SMAP1: variants seen among roughly 807,000 people sequenced by gnomAD.
SMAP1 encodes the protein small ArfGAP 1.
SMAP1 carries 24 observed loss-of-function variants against 58.5 expected under a neutral mutation model. The observed-to-expected ratio is 0.41, with a 90% CI of 0.30 to 0.58. The LOEUF is 0.58. SMAP1 is among the 20% of genes least tolerant of loss of function. SMAP1 has a pLI of 0.29. For missense variants in SMAP1, 563 were observed against 566.3 expected, an observed-to-expected ratio of 0.99 and a Z score of 0.06; for synonymous variants, 216 against 196.6, an observed-to-expected ratio of 1.10 and a Z score of -0.82.
intron 7 of SMAP1, among the ~76,000 whole-genome samples, chr6:70,846,078 C>T (rs756672160): frequency 6.7e-4 from 102 of 152,028 alleles, no homozygotes; most frequent in Non-Finnish European, 1.3e-3. Context: ...CTAAGAGAGG[C>T]GATTTTACAG....
At chr6:70,705,433 A>T (rs1767801006) in intron 1 of SMAP1, among the ~76,000 whole-genome samples, 1 of 151,680 alleles carries the variant, frequency 6.6e-6, no homozygotes, top group South Asian at 2.1e-4. Context: ...TTGTATTTTT[A>T]GTAGAGCTGG....
chr6:70,829,883 GT>G (rs1377105701), intron 6 of SMAP1, among the ~76,000 whole-genome samples: 2 of 152,154 alleles, frequency 1.3e-5, no homozygotes, highest in African/African-American at 4.8e-5. Context: ...AGGCTCAGCT[GT>G]TATGTCTGTT....
intron 7 of SMAP1, among the ~76,000 whole-genome samples, chr6:70,845,391 G>T (rs1206201729): frequency 6.6e-6 from 1 of 152,220 alleles, no homozygotes. Context: ...TGAGGGAAAA[G>T]ATGGGATTAT....
chr6:70,768,027 G>C (rs1293487049), intron 3 of SMAP1, among the ~76,000 whole-genome samples: 1 of 151,342 alleles, frequency 6.6e-6, no homozygotes, highest in African/African-American at 2.4e-5. Flanking sequence ...TTTTGTCTTT[G>C]GTTCTGTTTA....
intron 1 of SMAP1, among the ~76,000 whole-genome samples, chr6:70,708,583 T>C (rs541993510): frequency 6.6e-6 from 1 of 152,328 alleles, no homozygotes; most frequent in African/African-American, 2.4e-5. Flanking sequence ...TTCATACCAA[T>C]AGTATATAAG....
At chr6:70,845,154 T>C (rs1212221310) in intron 7 of SMAP1, among the ~76,000 whole-genome samples, 1 of 152,232 alleles carries the variant, frequency 6.6e-6, no homozygotes, top group Non-Finnish European at 1.5e-5. Flanking sequence ...TAGTAATACA[T>C]AAAATCTCAT....
Position 70,861,762 on chromosome 6 carries a change from G to A in SMAP1, c.*1428G>A. 1.2e-6 allele frequency: 2 copies of A among 1,614,074 alleles called. No homozygotes were observed. Among genetic ancestry groups the A allele is most frequent in the Non-Finnish European group, 1.7e-6 (2 of 1,179,970 alleles). ...GCCACACGAGAACCTGAAGGGGAAGGAAATAGCTTGGGTAGCGCACTCTTC... is the reference window on the plus strand; with the variant it reads ...GCCACACGAGAACCTGAAGGGGAAGAAAATAGCTTGGGTAGCGCACTCTTC... On this transcript the variant is annotated 3_prime_UTR_variant, in exon 11 of 11. Transcript: ENST00000370455.
At chr6:70,703,134 G>C (rs1767703580) in intron 1 of SMAP1, among the ~76,000 whole-genome samples, 1 of 151,898 alleles carries the variant, frequency 6.6e-6, no homozygotes, top group South Asian at 2.1e-4. Context: ...CTGGAGTTCA[G>C]TGACACGATA....
intron 4 of SMAP1, among the ~76,000 whole-genome samples, chr6:70,788,200 A>C (rs1339529329): frequency 6.6e-6 from 1 of 150,784 alleles, no homozygotes; most frequent in Non-Finnish European, 1.5e-5. Flanking sequence ...TATCGCAAGG[A>C]CAAGAAACGA....
chr6:70,744,173 C>CTTTTTTTTT (rs11376216), intron 2 of SMAP1, among the ~76,000 whole-genome samples: 1 of 145,036 alleles, frequency 6.9e-6, no homozygotes, highest in Non-Finnish European at 1.5e-5. Flanking sequence ...ACTCCTAATT[C>CTTTTTTTTT]TTTTTTTTTT....
chr6:70,836,852 CTT>C, intron 6 of SMAP1, 87 bp from the exon 7 acceptor site: 3 of 989,070 alleles, frequency 3.0e-6, no homozygotes, highest in Non-Finnish European at 4.3e-6. Context: ...TTTACACTAA[CTT>C]TATCAGAACC....
intron 2 of SMAP1, among the ~76,000 whole-genome samples, chr6:70,736,270 C>A (rs1765614430): frequency 6.6e-6 from 1 of 152,110 alleles, no homozygotes; most frequent in Non-Finnish European, 1.5e-5. Context: ...CTTAAAAGTT[C>A]TTTTAATGTG....
At chr6:70,670,674 CTT>C (rs1466498987) in intron 1 of SMAP1, among the ~76,000 whole-genome samples, 1 of 152,188 alleles carries the variant, frequency 6.6e-6, no homozygotes, top group African/African-American at 2.4e-5. Context: ...TTGCATCAAA[CTT>C]TTCATGTACT....
intron 3 of SMAP1, among the ~76,000 whole-genome samples, chr6:70,758,762 C>A (rs940105575): frequency 6.6e-6 from 1 of 152,074 alleles, no homozygotes; most frequent in African/African-American, 2.4e-5. Context: ...GGGAAAGCTA[C>A]ATTAAGATTG....
intron 6 of SMAP1, among the ~76,000 whole-genome samples, chr6:70,806,981 G>A: frequency 6.6e-6 from 1 of 152,124 alleles, no homozygotes; most frequent in South Asian, 2.1e-4. Context: ...TGTCATATAT[G>A]TCTTCAGGTT....
intron 2 of SMAP1, among the ~76,000 whole-genome samples, chr6:70,747,728 A>G (rs534655297): frequency 6.6e-5 from 10 of 152,316 alleles, no homozygotes; most frequent in Non-Finnish European, 1.2e-4. Context: ...TATTATAGTA[A>G]GTAGAGATGA....
At chr6:70,852,707 C>T in intron 8 of SMAP1, 43 bp downstream of exon 8, 2 of 1,465,672 alleles carry the variant, frequency 1.4e-6, no homozygotes, top group Admixed American at 2.5e-5. Flanking sequence ...CTGCTTATTT[C>T]CTTTTTGAAA....
intron 1 of SMAP1, among the ~76,000 whole-genome samples, chr6:70,680,718 T>TTC (rs1766669050): frequency 7.2e-6 from 1 of 139,344 alleles, no homozygotes; most frequent in African/African-American, 2.7e-5. Flanking sequence ...TCCTGTTTTT[T>TTC]TTTTTTTTTT....
chr6:70,773,387 A>G lies in SMAP1; in HGVS notation c.376A>G (p.Lys126Glu). The change falls in exon 4 of 11, where the codon AAG (lysine) becomes GAG (glutamate). Residue 126 changes from lysine to glutamate, a missense_variant. Physicochemically the swap from Lys to Glu is moderately conservative, Grantham distance 56 (BLOSUM62 1). Coordinates refer to ENST00000370455, the MANE Select transcript of SMAP1 (RefSeq NM_001044305.3). ...TTTCATCAGAGATAAATATGAAAAG[A>G]AGAAATACTACGATAAAAATGCCAT... ...EFFIRDKYEK[K>E]KYYDKNAIAI... 1 of 1,573,692 alleles carries G rather than the reference A, an allele frequency of 6.4e-7. No individual in the cohort carries two copies. The highest frequency in any genetic ancestry group is 8.7e-7 in the Non-Finnish European group (1 of 1,150,780).
Sources: allele counts gnomAD v4.1 joint callset (sites outside exome capture counted in the v4.1 genomes callset), GRCh38; gene constraint gnomAD v4.1.1; transcripts MANE v1.5; gene names NCBI Gene and HGNC (gene_info 2026-07-23, HGNC 2026-07-21).